Variants in SLCO1B1 observed in about 807,000 individuals in gnomAD.
The protein encoded by SLCO1B1 is OATP-2.
SLCO1B1 carries 81 observed loss-of-function variants against 70.1 expected under a neutral mutation model. That is an observed-to-expected ratio of 1.16 (90% CI 0.97 to 1.39). SLCO1B1 has a LOEUF of 1.39. SLCO1B1 is among the 40% of genes most tolerant of loss of function. The pLI is 0.00. For synonymous variants in SLCO1B1, 283 were observed against 271.5 expected, an observed-to-expected ratio of 1.04 and a Z score of -0.42; for missense variants, 895 against 799.6, an observed-to-expected ratio of 1.12 and a Z score of -1.44.
At chr12:21,236,686 G>T (rs1187358578) in intron 14 of SLCO1B1, among the ~76,000 whole-genome samples, 1 of 152,106 alleles carries the variant, frequency 6.6e-6, no homozygotes, top group Non-Finnish European at 1.5e-5. Context: ...GGCTTTTACC[G>T]CTTTTCTTTA....
At chr12:21,174,818 T>A in intron 4 of SLCO1B1, 109 bp downstream of exon 4, 1 of 1,051,878 alleles carries the variant, frequency 9.5e-7, no homozygotes, top group Non-Finnish European at 1.4e-6. Context: ...TTTGAGAAGA[T>A]ACCCACTAAG....
intron 14 of SLCO1B1, among the ~76,000 whole-genome samples, chr12:21,226,197 T>C (rs532594916): frequency 6.6e-6 from 1 of 152,188 alleles, no homozygotes; most frequent in South Asian, 2.1e-4. Flanking sequence ...GGAGGATTCA[T>C]GAGGCCAGGA....
At position 21,165,874 on chromosome 12, in the gene SLCO1B1, C is replaced by T. The variant is rs573605719; in HGVS notation, c.85-6776C>T. Among the ~76,000 whole-genome samples the T allele has an allele frequency of 7.9e-5, 12 of 152,166 alleles. No individual in the cohort carries two copies. In the South Asian group the frequency reaches 8.3e-4, roughly 11 times the overall value. On this transcript the variant is annotated intron_variant, in intron 2 of 14. Coordinates refer to ENST00000256958, the MANE Select transcript of SLCO1B1 (RefSeq NM_006446.5). ...ATAAATGTTTGTTGTTTAAGCCATCCGTTCCATCATAATTTGTGATAGCAG... is the reference window on the plus strand; with the variant it reads ...ATAAATGTTTGTTGTTTAAGCCATCTGTTCCATCATAATTTGTGATAGCAG...
At position 21,141,427 on chromosome 12, in the gene SLCO1B1, T is replaced by A. The variant is rs916605718; in HGVS notation, c.-61-87T>A. ...TGAGTGAATGTTAGTGAATGGTTGATTGATTGATGATGATCTTGTGGCTTT... is the reference window on the plus strand; with the variant it reads ...TGAGTGAATGTTAGTGAATGGTTGAATGATTGATGATGATCTTGTGGCTTT... On this transcript the variant is annotated intron_variant, in intron 1 of 14. Coordinates refer to ENST00000256958, the MANE Select transcript of SLCO1B1 (RefSeq NM_006446.5). 3 of 539,196 alleles carry A rather than the reference T, an allele frequency of 5.6e-6. No individual in the cohort carries two copies. The East Asian group carries it at 1.1e-4, about 20-fold the overall frequency. 33.4% of individuals were successfully genotyped at this position (539,196 alleles called of 1,614,324 possible).
At chr12:21,183,692 A>G (rs1159853751) in intron 7 of SLCO1B1, among the ~76,000 whole-genome samples, 7 of 152,208 alleles carry the variant, frequency 4.6e-5, no homozygotes, top group Non-Finnish European at 8.8e-5. Context: ...AAAAGTAAGA[A>G]TGTACCTTAA....
rs1941621969 is a variant in SLCO1B1 at position 21,239,053 on chromosome 12, T to C, written c.1940T>C (p.Met647Thr). ...LVLYIILIYAMKKKYQEKDIN... is the reference protein window; with the variant it reads ...LVLYIILIYATKKKYQEKDIN... ...TTATATATTATATTAATTTATGCCA[T>C]GAAGAAAAAATATCAAGAGAAAGAT... Residue 647 changes from methionine to threonine, a missense_variant, in exon 15 of 15, where the codon ATG becomes ACG. Physicochemically the swap from Met to Thr is moderately conservative, Grantham distance 81. Transcript: ENST00000256958. The C allele has an allele frequency of 2.5e-6, 4 of 1,595,240 alleles. No individual in the cohort carries two copies. The highest frequency in any genetic ancestry group is 1.7e-4 in the Middle Eastern group (1 of 6,026).
intron 2 of SLCO1B1, among the ~76,000 whole-genome samples, chr12:21,168,385 A>T (rs915132789): frequency 2.6e-5 from 4 of 152,098 alleles, no homozygotes; most frequent in African/African-American, 9.7e-5. Context: ...TCTCTGCTAG[A>T]TCCTGTTTTG....
At chr12:21,230,332 T>A (rs567770779) in intron 14 of SLCO1B1, among the ~76,000 whole-genome samples, 41 of 142,772 alleles carry the variant, frequency 2.9e-4, no homozygotes, top group African/African-American at 1.1e-3. Context: ...TCTTTTTTTT[T>A]TTTTTTTTTT....
At position 21,237,333 on chromosome 12, in the gene SLCO1B1, T is replaced by C. The variant is rs112314227; in HGVS notation, c.1866-1646T>C. Among the ~76,000 whole-genome samples, 7 of 152,314 alleles carry C rather than the reference T, an allele frequency of 4.6e-5. 2 individuals carry two copies. The highest frequency in any genetic ancestry group is 1.7e-4 in the African/African-American group (7 of 41,580). On this transcript the variant is annotated intron_variant, in intron 14 of 14. Transcript: ENST00000256958. ...GTTTGTCTGAGAATGTGTTTATTTC[T>C]ACTTTACTTTTAAAAGAATTTCACA...
chr12:21,212,062 C>T (rs1316798553), intron 11 of SLCO1B1, among the ~76,000 whole-genome samples: 2 of 147,616 alleles, frequency 1.4e-5, no homozygotes, highest in African/African-American at 5.1e-5. Flanking sequence ...TCTCTATTTC[C>T]TTCAGTTCTG....
intron 7 of SLCO1B1, among the ~76,000 whole-genome samples, chr12:21,186,615 G>T (rs1940964586): frequency 6.6e-6 from 1 of 151,850 alleles, no homozygotes; most frequent in Admixed American, 6.6e-5. Flanking sequence ...GAGGTCTTCA[G>T]CTGCCCATTG....
At chr12:21,233,761 T>C (rs1254358883) in intron 14 of SLCO1B1, among the ~76,000 whole-genome samples, 1 of 152,142 alleles carries the variant, frequency 6.6e-6, no homozygotes, top group Non-Finnish European at 1.5e-5. Flanking sequence ...ATTAAATCCA[T>C]GCACATTGGG....
At chr12:21,223,907 T>C (rs1941457141) in intron 13 of SLCO1B1, among the ~76,000 whole-genome samples, 2 of 152,144 alleles carry the variant, frequency 1.3e-5, no homozygotes, top group African/African-American at 2.4e-5. Flanking sequence ...ACACTTATTA[T>C]ATAAACAACA....
chr12:21,140,571 T>C (rs1940294478), intron 1 of SLCO1B1, among the ~76,000 whole-genome samples: 1 of 151,976 alleles, frequency 6.6e-6, no homozygotes, highest in Non-Finnish European at 1.5e-5. Flanking sequence ...ATTAAGAACA[T>C]CTTTAATATG....
chr12:21,195,858 A>C (rs1376483073), intron 7 of SLCO1B1, among the ~76,000 whole-genome samples: 1 of 152,212 alleles, frequency 6.6e-6, no homozygotes, highest in Non-Finnish European at 1.5e-5. Flanking sequence ...AGACAGTCGC[A>C]AGGGTAGTAC....
At chr12:21,232,729 G>GAGAA (rs1358540442) in intron 14 of SLCO1B1, among the ~76,000 whole-genome samples, 1 of 120,092 alleles carries the variant, frequency 8.3e-6, no homozygotes, top group Non-Finnish European at 1.8e-5. Flanking sequence ...CAGAGAGACA[G>GAGAA]AGAGACAGAG....
At chr12:21,231,515 T>A (rs538519071) in intron 14 of SLCO1B1, among the ~76,000 whole-genome samples, 1 of 151,914 alleles carries the variant, frequency 6.6e-6, no homozygotes, top group Admixed American at 6.6e-5. Context: ...CATGTGGTCA[T>A]CAAGAGGGGC....
At chr12:21,179,047 T>G (rs1236684194) in intron 7 of SLCO1B1, 27 bp downstream of exon 7, 12 of 1,417,130 alleles carry the variant, frequency 8.5e-6, no homozygotes, top group Non-Finnish European at 1.2e-5. Context: ...CAAGGTACCA[T>G]GATAACGTCT....
At chr12:21,179,061 T>A in intron 7 of SLCO1B1, 41 bp downstream of exon 7, 1 of 1,226,508 alleles carries the variant, frequency 8.2e-7, no homozygotes, top group Non-Finnish European at 1.2e-6. Flanking sequence ...AACGTCTTTC[T>A]AAGCACACAT....
Sources: allele counts gnomAD v4.1 joint callset (sites outside exome capture counted in the v4.1 genomes callset), GRCh38; gene constraint gnomAD v4.1.1; transcripts MANE v1.5; gene names NCBI Gene and HGNC (gene_info 2026-07-23, HGNC 2026-07-21).